ADGRB3: variants seen among roughly 807,000 people sequenced by gnomAD.
ADGRB3 encodes brain-specific angiogenesis inhibitor 3.
ADGRB3 carries 37 observed loss-of-function variants against 193.4 expected under a neutral mutation model. That is an observed-to-expected ratio of 0.19 (90% CI 0.15 to 0.25). The LOEUF (loss-of-function observed/expected upper bound fraction) is 0.25, where lower values mean the gene tolerates loss of function less well. Among genes scored for constraint, ADGRB3 ranks in the 10% least tolerant of loss-of-function variants. ADGRB3 has a pLI of 1.00. For synonymous variants in ADGRB3, 690 were observed against 644.2 expected (o/e 1.07, Z -1.08); for missense variants, 1,637 against 1,852.9 (o/e 0.88, Z 2.14).
chr6:69,253,421 T>C (rs955775356), intron 20 of ADGRB3, among the ~76,000 whole-genome samples: 1 of 152,114 alleles, frequency 6.6e-6, no homozygotes, highest in Non-Finnish European at 1.5e-5. Context: ...ATATATTCTT[T>C]TGATAACTTA....
intron 17 of ADGRB3, among the ~76,000 whole-genome samples, chr6:69,087,506 C>CT (rs767669173): frequency 2.8e-4 from 42 of 152,228 alleles, no homozygotes; most frequent in Admixed American, 3.9e-4. Flanking sequence ...AAAGAGCTTG[C>CT]TTATCACTTC....
intron 3 of ADGRB3, among the ~76,000 whole-genome samples, chr6:68,813,390 G>C (rs1767558254): frequency 6.6e-6 from 1 of 152,078 alleles, no homozygotes; most frequent in Non-Finnish European, 1.5e-5. Flanking sequence ...TGTACTCACT[G>C]GGCTACATTG....
intron 3 of ADGRB3, among the ~76,000 whole-genome samples, chr6:68,835,794 G>GC (rs1554202805): frequency 6.6e-6 from 1 of 151,970 alleles, no homozygotes; most frequent in Middle Eastern, 3.4e-3. Flanking sequence ...TTGTAGCATT[G>GC]TTTTTTGCTT....
intron 17 of ADGRB3, among the ~76,000 whole-genome samples, chr6:69,206,075 A>ATATATATATATG (rs1765534320): frequency 1.5e-5 from 2 of 134,742 alleles, no homozygotes; most frequent in African/African-American, 5.5e-5. Context: ...ATATATATAT[A>ATATATATATATG]TATGAGTTTA....
chr6:68,640,247 G>C (rs1000662261), intron 3 of ADGRB3, among the ~76,000 whole-genome samples: 2 of 152,150 alleles, frequency 1.3e-5, no homozygotes, highest in African/African-American at 4.8e-5. Context: ...CACGAAGAGA[G>C]GGAATGTCTC....
intron 16 of ADGRB3, among the ~76,000 whole-genome samples, chr6:69,064,034 G>A (rs138587869): frequency 6.6e-6 from 1 of 151,730 alleles, no homozygotes; most frequent in Non-Finnish European, 1.5e-5. Context: ...AGCCCATATA[G>A]TTAGTGAATG....
intron 7 of ADGRB3, 147 bp downstream of exon 7, chr6:68,956,335 GTATT>G: frequency 1.1e-6 from 1 of 912,080 alleles, no homozygotes; most frequent in Non-Finnish European, 1.6e-6. Context: ...GTGTATACAT[GTATT>G]TATTAATGAA....
In ADGRB3 at chr6:69,354,241, T is replaced by C. The variant is rs144533492; in HGVS notation, c.3468T>C (p.Asp1156=). ...VHCILRREVQ[D]AFRCRLRNCQ... ...GTTCCCCCTCCCCACAGGTTCAGGATGCATTTAGATGCCGATTGAGAAACT... is the reference window on the plus strand; with the variant it reads ...GTTCCCCCTCCCCACAGGTTCAGGACGCATTTAGATGCCGATTGAGAAACT... Residue 1156 remains aspartate (D), a synonymous_variant, in exon 27 of 32, where the codon GAT becomes GAC. Transcript: ENST00000370598. 28 of 1,613,586 alleles carry C rather than the reference T, an allele frequency of 1.7e-5. No homozygotes were observed. Among genetic ancestry groups the C allele is most frequent in the Admixed American group, 3.3e-5 (2 of 60,006 alleles).
At chr6:69,155,173 A>G (rs1469965519) in intron 17 of ADGRB3, among the ~76,000 whole-genome samples, 4 of 152,214 alleles carry the variant, frequency 2.6e-5, no homozygotes, top group African/African-American at 9.6e-5. Context: ...CCTCATATGG[A>G]GAGAGATGTC....
chr6:69,163,535 T>C (rs532281469), intron 17 of ADGRB3, among the ~76,000 whole-genome samples: 3 of 152,112 alleles, frequency 2.0e-5, no homozygotes, highest in Non-Finnish European at 4.4e-5. Flanking sequence ...AGCTATATTT[T>C]CAATTTGGTC....
At chr6:69,076,225 G>T (rs1772228833) in intron 17 of ADGRB3, among the ~76,000 whole-genome samples, 187 bp downstream of exon 17, 1 of 152,010 alleles carries the variant, frequency 6.6e-6, no homozygotes, top group African/African-American at 2.4e-5. Flanking sequence ...ATGCCATCAG[G>T]TTACATCTCA....
intron 3 of ADGRB3, among the ~76,000 whole-genome samples, chr6:68,777,315 G>A (rs904916353): frequency 5.9e-5 from 9 of 152,024 alleles, no homozygotes; most frequent in African/African-American, 1.9e-4. Flanking sequence ...ATCTTCAAAC[G>A]TCAACATTTT....
intron 3 of ADGRB3, 31 bp from the exon 4 acceptor site, chr6:68,930,528 A>G (rs1767308921): frequency 6.7e-7 from 1 of 1,482,736 alleles, no homozygotes; most frequent in African/African-American, 1.4e-5. Flanking sequence ...GTCTACACAC[A>G]AGCTTTCATA....
intron 3 of ADGRB3, among the ~76,000 whole-genome samples, chr6:68,704,839 A>T (rs1765298349): frequency 6.6e-6 from 1 of 152,212 alleles, no homozygotes; most frequent in Non-Finnish European, 1.5e-5. Context: ...TAAATGAAAC[A>T]AACAGTCTTT....
chr6:69,162,762 A>T (rs1395521986), intron 17 of ADGRB3, among the ~76,000 whole-genome samples: 2 of 152,130 alleles, frequency 1.3e-5, no homozygotes, highest in African/African-American at 4.8e-5. Context: ...TGTAAAATAG[A>T]TAGACTCAGA....
At chr6:69,020,646 T>A (rs897732822) in intron 13 of ADGRB3, among the ~76,000 whole-genome samples, 4 of 151,990 alleles carry the variant, frequency 2.6e-5, no homozygotes, top group African/African-American at 9.7e-5. Context: ...TTGTTCTGCC[T>A]TCTGATTGTT....
chr6:69,049,787 T>C (rs1477804549), intron 15 of ADGRB3, among the ~76,000 whole-genome samples: 1 of 152,182 alleles, frequency 6.6e-6, no homozygotes, highest in East Asian at 1.9e-4. Flanking sequence ...CTTAGTTTGC[T>C]TTGAAATAAA....
At chr6:69,386,220 A>G (rs1469245447) in intron 31 of ADGRB3, among the ~76,000 whole-genome samples, 1 of 152,130 alleles carries the variant, frequency 6.6e-6, no homozygotes, top group East Asian at 1.9e-4. Context: ...AAAGTTTAAA[A>G]TTGGCCATTT....
chr6:68,817,317 A>T (rs1400729808), intron 3 of ADGRB3, among the ~76,000 whole-genome samples: 1 of 48,066 alleles, frequency 2.1e-5, no homozygotes. Flanking sequence ...GTATATATAT[A>T]TATATATATA....
Sources: allele counts gnomAD v4.1 joint callset (sites outside exome capture counted in the v4.1 genomes callset), GRCh38; gene constraint gnomAD v4.1.1; transcripts MANE v1.5; gene names NCBI Gene and HGNC (gene_info 2026-07-23, HGNC 2026-07-21).